Variants in TMEM150C observed in about 807,000 individuals in gnomAD.
The protein encoded by TMEM150C is transmembrane protein 150C.
A neutral mutation model predicts 29.9 loss-of-function variants in TMEM150C; 10 were observed. The observed-to-expected ratio is 0.33, with a 90% CI of 0.21 to 0.57. TMEM150C has a LOEUF of 0.57. TMEM150C is among the 20% of genes least tolerant of loss of function. The pLI is 0.88. For synonymous variants in TMEM150C, 101 were observed against 112.5 expected (o/e 0.90, Z 0.64); for missense variants, 251 against 303.6 (o/e 0.83, Z 1.29).
At chr4:82,508,297 A>G (rs1209290833) in intron 1 of TMEM150C, among the ~76,000 whole-genome samples, 1 of 152,066 alleles carries the variant, frequency 6.6e-6, no homozygotes, top group Admixed American at 6.6e-5. Context: ...TACTCCTAAA[A>G]TAGTTTTGTC....
chr4:82,512,503 C>T (rs997188491), intron 1 of TMEM150C, among the ~76,000 whole-genome samples: 7 of 152,196 alleles, frequency 4.6e-5, no homozygotes, highest in African/African-American at 9.7e-5. Context: ...CCTTATACTT[C>T]GCAGCCTCCT....
chr4:82,493,498 C>G (rs1306215060), intron 6 of TMEM150C, among the ~76,000 whole-genome samples: 3 of 152,158 alleles, frequency 2.0e-5, no homozygotes, highest in Non-Finnish European at 4.4e-5. Context: ...TGTCATTTCT[C>G]ATGTATTCTG....
chr4:82,491,641 G>A (rs1723350608), intron 6 of TMEM150C: 2 of 557,334 alleles, frequency 3.6e-6, no homozygotes, highest in South Asian at 2.4e-5. Context: ...AGCACCTTTG[G>A]CAGCAGGAGG....
intron 1 of TMEM150C, among the ~76,000 whole-genome samples, chr4:82,519,387 T>C (rs1483665089): frequency 6.6e-6 from 1 of 151,978 alleles, no homozygotes; most frequent in East Asian, 1.9e-4. Context: ...AAACTCTATA[T>C]ATACGATGTT....
intron 1 of TMEM150C, among the ~76,000 whole-genome samples, chr4:82,544,610 T>C (rs4359891): frequency 0.35 from 53,295 of 151,878 alleles, 13,688 homozygotes; most frequent in African/African-American, 0.73. Context: ...AAAACCTTGT[T>C]TGCACAAAAA....
In TMEM150C at chr4:82,496,099, G is replaced by A; in HGVS notation, c.332C>T (p.Ser111Phe). The A allele has an allele frequency of 6.2e-7, 1 of 1,613,964 alleles. No homozygotes were observed. Among genetic ancestry groups the A allele is most frequent in the Non-Finnish European group, 8.5e-7 (1 of 1,179,868 alleles). The change falls in exon 6 of 8, where the codon TCC becomes TTC. Residue 111 changes from serine to phenylalanine, a missense_variant. Coordinates refer to ENST00000449862, the MANE Select transcript of TMEM150C (RefSeq NM_001080506.3). ...ATTACCAAGTAAGGTCATTCCGAAGGAAGCCAGACACAGAGCCACCAATCC... is the reference window on the plus strand; with the variant it reads ...ATTACCAAGTAAGGTCATTCCGAAGAAAGCCAGACACAGAGCCACCAATCC... ...ISGLVALCLASFGMTLLGNFQ... is the reference protein window; with the variant it reads ...ISGLVALCLAFFGMTLLGNFQ...
chr4:82,502,319 C>T (rs760349132), intron 5 of TMEM150C, among the ~76,000 whole-genome samples: 22 of 152,218 alleles, frequency 1.4e-4, no homozygotes, highest in Non-Finnish European at 2.4e-4. Flanking sequence ...ACAGTATCTA[C>T]ACACATCAAC....
chr4:82,539,313 T>TAAG (rs1214450881), intron 1 of TMEM150C, among the ~76,000 whole-genome samples: 1 of 152,054 alleles, frequency 6.6e-6, no homozygotes, highest in Non-Finnish European at 1.5e-5. Context: ...ACCAATTCAG[T>TAAG]AAGATGAGAA....
In TMEM150C at chr4:82,502,903, T is replaced by C. The variant is rs762696559; in HGVS notation, c.159A>G (p.Pro53=). ...GAGAATTGCTGGGTTACCTTATATATGGTGCATGCTTCACACCAGGTTTCC... is the reference window on the plus strand; with the variant it reads ...GAGAATTGCTGGGTTACCTTATATACGGTGCATGCTTCACACCAGGTTTCC... ...AERKPGVKHA[P]YISIAGDDPP... is the part of the protein sequence containing the mutation. Residue 53 remains proline, a synonymous_variant, in exon 4 of 8, where the codon CCA becomes CCG. Transcript: ENST00000449862. 1.3e-6 allele frequency: 2 copies of C among 1,597,666 alleles called. No homozygotes were observed. The highest frequency in any genetic ancestry group is 4.5e-5 in the East Asian group (2 of 44,466).
Position 82,501,348 on chromosome 4 carries a change from G to A in TMEM150C, c.235+1379C>T, listed in dbSNP as rs148811106. Among the ~76,000 whole-genome samples the A allele has an allele frequency of 3.9e-5, 6 of 152,220 alleles. No homozygotes were observed. In the East Asian group the frequency reaches 1.2e-3, roughly 29 times the overall value. ...CTTGATACTTGTGAATATCTAGGATGTGGAAGTCCTGACTGCCAGGGGCAT... is the reference window on the plus strand; with the variant it reads ...CTTGATACTTGTGAATATCTAGGATATGGAAGTCCTGACTGCCAGGGGCAT... On this transcript the variant is annotated intron_variant, in intron 5 of 7. Transcript: ENST00000449862.
At chr4:82,554,586 A>C (rs973398015) in intron 1 of TMEM150C, among the ~76,000 whole-genome samples, 2 of 152,194 alleles carry the variant, frequency 1.3e-5, no homozygotes, top group Admixed American at 6.5e-5. Flanking sequence ...TCATAAGTGT[A>C]AAAAAAGAGT....
At chr4:82,490,775 G>C (rs1217344515) in intron 6 of TMEM150C, 1 of 399,620 alleles carries the variant, frequency 2.5e-6, no homozygotes, top group Non-Finnish European at 4.7e-6. Context: ...AGGAAAATTT[G>C]TATTACTTTA....
At chr4:82,554,669 G>C (rs1725685360) in intron 1 of TMEM150C, among the ~76,000 whole-genome samples, 1 of 152,146 alleles carries the variant, frequency 6.6e-6, no homozygotes, top group Non-Finnish European at 1.5e-5. Context: ...AGACATTTAT[G>C]TTTATATTCA....
At chr4:82,538,122 G>A (rs142661792) in intron 1 of TMEM150C, among the ~76,000 whole-genome samples, 3 of 152,258 alleles carry the variant, frequency 2.0e-5, no homozygotes, top group African/African-American at 4.8e-5. Flanking sequence ...GTGGTAGCGC[G>A]ATCTTGGCTC....
intron 1 of TMEM150C, among the ~76,000 whole-genome samples, chr4:82,508,248 C>T (rs1724002894): frequency 6.6e-6 from 1 of 152,148 alleles, no homozygotes; most frequent in Non-Finnish European, 1.5e-5. Flanking sequence ...GTACATTTCC[C>T]TCTTTAAGGA....
intron 5 of TMEM150C, among the ~76,000 whole-genome samples, chr4:82,499,750 A>G (rs1723674407): frequency 1.3e-5 from 2 of 150,880 alleles, no homozygotes; most frequent in Non-Finnish European, 2.9e-5. Flanking sequence ...AAAAAGCACA[A>G]ATAGAATAAT....
At chr4:82,485,754 A>G in intron 7 of TMEM150C, 35 bp from the exon 8 acceptor site, 3 of 1,551,862 alleles carry the variant, frequency 1.9e-6, no homozygotes, top group Non-Finnish European at 2.6e-6. Flanking sequence ...TACCCTCATC[A>G]GCCACATTAA....
At chr4:82,537,177 G>C (rs887948767) in intron 1 of TMEM150C, among the ~76,000 whole-genome samples, 1 of 151,980 alleles carries the variant, frequency 6.6e-6, no homozygotes, top group African/African-American at 2.4e-5. Flanking sequence ...AGTAGAGATG[G>C]GGTTTCACTG....
At chr4:82,526,710 ACACT>A (rs942705268) in intron 1 of TMEM150C, among the ~76,000 whole-genome samples, 4 of 152,338 alleles carry the variant, frequency 2.6e-5, no homozygotes, top group African/African-American at 9.6e-5. Flanking sequence ...ATGCTTTATG[ACACT>A]CACCACTTAC....
Sources: allele counts gnomAD v4.1 joint callset (sites outside exome capture counted in the v4.1 genomes callset), GRCh38; gene constraint gnomAD v4.1.1; transcripts MANE v1.5; gene names NCBI Gene and HGNC (gene_info 2026-07-23, HGNC 2026-07-21).